SLC9A1: variants seen among roughly 807,000 people sequenced by gnomAD.
SLC9A1 encodes the protein sodium/hydrogen exchanger 1.
SLC9A1 carries 22 observed loss-of-function variants against 67.9 expected under a neutral mutation model. The observed-to-expected ratio is 0.32, with a 90% CI of 0.23 to 0.46. The LOEUF is 0.46. Among genes scored for constraint, SLC9A1 ranks in the 20% least tolerant of loss-of-function variants. The probability of loss-of-function intolerance (pLI) is 1.00; values close to 1 mark genes in which losing one functional copy is unlikely to be tolerated. For synonymous variants in SLC9A1, 421 were observed against 471.8 expected, an observed-to-expected ratio of 0.89 and a Z score of 1.40; for missense variants, 686 against 1,094.8, an observed-to-expected ratio of 0.63 and a Z score of 5.27.
At chr1:27,136,250 A>G (rs1226541427) in intron 1 of SLC9A1, among the ~76,000 whole-genome samples, 1 of 152,256 alleles carries the variant, frequency 6.6e-6, no homozygotes, top group Non-Finnish European at 1.5e-5. Flanking sequence ...CTGCTTAACT[A>G]GCAAGGGGAC....
Position 27,100,517 on chromosome 1 carries a change from C to T in SLC9A1, c.2238G>A (p.Arg746=). Residue 746 remains arginine (R), a synonymous_variant, in exon 12 of 12, where the codon CGG becomes CGA. Coordinates refer to ENST00000263980, the MANE Select transcript of SLC9A1 (RefSeq NM_003047.5). This position sits in a 1 kb window ranked among gnomAD's most constrained non-coding sequence, Gnocchi z 5.6. ...ELKGKVLGLS[R]DPAKVAEEDE... is the part of the protein sequence containing the mutation. ...CCTCCTCAGCCACCTTTGCAGGATCCCGGCTCAACCCTAAGACTTTGCCCT... is the reference window on the plus strand; with the variant it reads ...CCTCCTCAGCCACCTTTGCAGGATCTCGGCTCAACCCTAAGACTTTGCCCT... The T allele has an allele frequency of 6.2e-7, 1 of 1,614,124 alleles. No individual in the cohort carries two copies. Among genetic ancestry groups the T allele is most frequent in the South Asian group, 1.1e-5 (1 of 91,090 alleles).
At chr1:27,140,019 C>G (rs2083444546) in intron 1 of SLC9A1, among the ~76,000 whole-genome samples, 1 of 152,030 alleles carries the variant, frequency 6.6e-6, no homozygotes, top group Non-Finnish European at 1.5e-5. Flanking sequence ...TCTGGAACTC[C>G]TGACCTCAAG....
chr1:27,103,552 T>C, intron 5 of SLC9A1: 1 of 545,432 alleles, frequency 1.8e-6, no homozygotes, highest in South Asian at 2.0e-5. Flanking sequence ...ACCCCCACAC[T>C]GGTCATCTGG....
chr1:27,114,374 C>T lies in SLC9A1; in HGVS notation c.353-88G>A. 2 of 1,079,126 alleles carry T rather than the reference C, an allele frequency of 1.9e-6. No individual in the cohort carries two copies. The highest frequency in any genetic ancestry group is 2.7e-6 in the Non-Finnish European group (2 of 740,540). 66.8% of individuals were successfully genotyped at this position (1,079,126 alleles called of 1,614,324 possible). A position where few individuals can be genotyped will look rare whatever the true frequency, so the allele number is the denominator to read the frequency against. ...GGGGATGGGCCGGGGATGAGGAGCGCAGTTGGTGAGAGGTGCACAGGCTGG... is the reference window on the plus strand; with the variant it reads ...GGGGATGGGCCGGGGATGAGGAGCGTAGTTGGTGAGAGGTGCACAGGCTGG... On this transcript the variant is annotated intron_variant, in intron 1 of 11. Transcript: ENST00000263980. This position sits in a 1 kb window ranked among gnomAD's most constrained non-coding sequence, Gnocchi z 5.4.
At chr1:27,152,496 T>C (rs867191526) in intron 1 of SLC9A1, among the ~76,000 whole-genome samples, 2 of 152,246 alleles carry the variant, frequency 1.3e-5, no homozygotes, top group Admixed American at 6.5e-5. Context: ...CATGACTCAA[T>C]TGGTGTGGTC....
chr1:27,149,762 A>G (rs2083514629), intron 1 of SLC9A1, among the ~76,000 whole-genome samples: 1 of 152,208 alleles, frequency 6.6e-6, no homozygotes, highest in Non-Finnish European at 1.5e-5. Flanking sequence ...TCACACAGGT[A>G]CTGAGAGGCA....
At position 27,101,322 on chromosome 1, in the gene SLC9A1, G is replaced by T; in HGVS notation, c.2038-47C>A. 6.7e-7 allele frequency: 1 copy of T among 1,499,502 alleles called. No individual in the cohort carries two copies. 92.9% of individuals were successfully genotyped at this position (1,499,502 alleles called of 1,614,324 possible). ...GTGAGCACAGGCAGCTGGGCAGAGG[G>T]AGCCCCTCAGGACAGAACCCGGCCA... On this transcript the variant is annotated intron_variant, in intron 10 of 11. Coordinates refer to ENST00000263980, the MANE Select transcript of SLC9A1 (RefSeq NM_003047.5). The surrounding 1 kb of genome is among the most constrained non-coding windows in gnomAD (Gnocchi z 4.9).
At position 27,114,159 on chromosome 1, in the gene SLC9A1, G is replaced by A; in HGVS notation, c.480C>T (p.Val160=). ...GETPPFLQSD[V]FFLFLLPPII... ...TGGGCGGCAGCAGGAAGAGGAAGAA[G>A]ACGTCGGACTGCAGGAAGGGGGGTG... Residue 160 remains valine, a synonymous_variant, in exon 2 of 12, where the codon GTC becomes GTT. Coordinates refer to ENST00000263980, the MANE Select transcript of SLC9A1 (RefSeq NM_003047.5). The surrounding 1 kb of genome is among the most constrained non-coding windows in gnomAD (Gnocchi z 5.4). 1.2e-6 allele frequency: 2 copies of A among 1,614,212 alleles called. No individual in the cohort carries two copies. Among genetic ancestry groups the A allele is most frequent in the Non-Finnish European group, 1.7e-6 (2 of 1,180,038 alleles).
At chr1:27,141,839 CAGATTCCTG>C (rs1553120641) in intron 1 of SLC9A1, among the ~76,000 whole-genome samples, 2 of 152,226 alleles carry the variant, frequency 1.3e-5, no homozygotes, top group Non-Finnish European at 2.9e-5. Flanking sequence ...GTACAGCATC[CAGATTCCTG>C]TGGGTCCTGG....
At chr1:27,146,826 G>A (rs2083488448) in intron 1 of SLC9A1, among the ~76,000 whole-genome samples, 1 of 152,074 alleles carries the variant, frequency 6.6e-6, no homozygotes, top group Non-Finnish European at 1.5e-5. Context: ...TAATTAACAA[G>A]TATTTAACAA....
chr1:27,102,826 G>A (rs921423424), intron 6 of SLC9A1, 83 bp from the exon 7 acceptor site: 19 of 1,229,266 alleles, frequency 1.5e-5, no homozygotes, highest in Admixed American at 5.8e-5. Flanking sequence ...ACTCCCTCCC[G>A]TAGCTGCAGC....
At chr1:27,148,279 C>T (rs1054813263) in intron 1 of SLC9A1, among the ~76,000 whole-genome samples, 1 of 152,208 alleles carries the variant, frequency 6.6e-6, no homozygotes, top group Non-Finnish European at 1.5e-5. Flanking sequence ...CCCTCATCCT[C>T]CTTCATGCAA....
chr1:27,122,756 T>G (rs569075175), intron 1 of SLC9A1, among the ~76,000 whole-genome samples: 23 of 152,240 alleles, frequency 1.5e-4, no homozygotes, highest in East Asian at 1.4e-3. Context: ...GCATAAACAT[T>G]TGTTGAATAA....
rs1570857214 is a variant in SLC9A1 at position 27,114,827 on chromosome 1, A to C, written c.353-541T>G. ...TGGTGGGGAGTGGCATAGGAGACAG[A>C]AGAAAGCACAGAAGAATCTAAGAAT... On this transcript the variant is annotated intron_variant, in intron 1 of 11. Transcript: ENST00000263980. This position sits in a 1 kb window ranked among gnomAD's most constrained non-coding sequence, Gnocchi z 5.4. Among the ~76,000 whole-genome samples, 1 of 152,292 alleles carries C rather than the reference A, an allele frequency of 6.6e-6. No homozygotes were observed. Among genetic ancestry groups the C allele is most frequent in the East Asian group, 1.9e-4 (1 of 5,176 alleles).
At chr1:27,122,311 C>T (rs1267484339) in intron 1 of SLC9A1, among the ~76,000 whole-genome samples, 1 of 152,094 alleles carries the variant, frequency 6.6e-6, no homozygotes. Flanking sequence ...GCTCAGAAAA[C>T]ACGGGTTAAG....
At chr1:27,140,950 G>A (rs1033824676) in intron 1 of SLC9A1, among the ~76,000 whole-genome samples, 7 of 152,180 alleles carry the variant, frequency 4.6e-5, no homozygotes, top group Admixed American at 2.0e-4. Context: ...GCTCACGCCT[G>A]TAATCCCAGC....
chr1:27,127,173 G>C (rs926577258), intron 1 of SLC9A1, among the ~76,000 whole-genome samples: 6 of 152,182 alleles, frequency 3.9e-5, no homozygotes, highest in African/African-American at 1.4e-4. Context: ...GCTAGTTTTT[G>C]TATTTTTTGT....
At chr1:27,136,304 G>A (rs2083420178) in intron 1 of SLC9A1, among the ~76,000 whole-genome samples, 1 of 152,232 alleles carries the variant, frequency 6.6e-6, no homozygotes, top group Non-Finnish European at 1.5e-5. Context: ...GCTGGGAGCA[G>A]GGGGCAGGAG....
rs1265662778 is a variant in SLC9A1, at chr1:27,106,328, G to C, written c.1283-241C>G. On this transcript the variant is annotated intron_variant, in intron 4 of 11. Transcript: ENST00000263980. The surrounding 1 kb of genome is among the most constrained non-coding windows in gnomAD (Gnocchi z 4.3). ...TTTAGAGACATCATGGAGGCCTCCAGTGGCTGGAGGGCTGGGGGCAGGAAG... is the reference window on the plus strand; with the variant it reads ...TTTAGAGACATCATGGAGGCCTCCACTGGCTGGAGGGCTGGGGGCAGGAAG... Among the ~76,000 whole-genome samples the C allele has an allele frequency of 6.6e-6, 1 of 152,212 alleles. No individual in the cohort carries two copies. The highest frequency in any genetic ancestry group is 1.9e-4 in the East Asian group (1 of 5,200).
Sources: allele counts gnomAD v4.1 joint callset (sites outside exome capture counted in the v4.1 genomes callset), GRCh38; gene constraint gnomAD v4.1.1; non-coding constraint Gnocchi (gnomAD v3.1); transcripts MANE v1.5; gene names NCBI Gene and HGNC (gene_info 2026-07-23, HGNC 2026-07-21).